MSTO1: variants seen among roughly 807,000 people sequenced by gnomAD.
The protein encoded by MSTO1 is protein misato homolog 1.
Under a neutral mutation model 55.7 loss-of-function variants are expected in MSTO1, and 24 were observed. That is an observed-to-expected ratio of 0.43 (90% CI 0.31 to 0.61). MSTO1 has a LOEUF of 0.61. MSTO1 is among the 20% of genes least tolerant of loss of function. The probability of loss-of-function intolerance (pLI) is 0.09; values close to 1 mark genes in which losing one functional copy is unlikely to be tolerated. For missense variants in MSTO1, 363 were observed against 625.7 expected, an observed-to-expected ratio of 0.58 and a Z score of 4.48; for synonymous variants, 162 against 252.8, an observed-to-expected ratio of 0.64 and a Z score of 3.41.
the MSTO1 span, among the ~76,000 whole-genome samples, chr1:155,596,400 C>T: frequency 6.6e-6 from 1 of 152,226 alleles, no homozygotes; most frequent in South Asian, 2.1e-4. Flanking sequence ...CCTACATCTA[C>T]GGTTTACTTT....
At chr1:155,614,002 A>G (rs534295008) in intron 13 of MSTO1, 57 bp from the exon 14 acceptor site, 1 of 1,608,640 alleles carries the variant, frequency 6.2e-7, no homozygotes, top group African/African-American at 1.3e-5. Context: ...AGTTTGGCAG[A>G]GTCCCAGGGC....
rs1222359912 is a variant in MSTO1, at chr1:155,614,948, A to G, written c.*675A>G. ...TATGAAGCACTATATATTGATTTGC[A>G]AAATCTTTTGTTTATTCCACACAGC... On this transcript the variant is annotated 3_prime_UTR_variant, in exon 14 of 14. Transcript: ENST00000245564. 1 of 1,056,440 alleles carries G rather than the reference A, an allele frequency of 9.5e-7. No homozygotes were observed. The highest frequency in any genetic ancestry group is 1.4e-6 in the Non-Finnish European group (1 of 695,902). The allele number at this position is 1,056,440 out of a possible 1,614,324, so 65.4% of individuals were successfully genotyped here.
the MSTO1 span, among the ~76,000 whole-genome samples, chr1:155,567,443 C>G: frequency 6.6e-6 from 1 of 151,828 alleles, no homozygotes; most frequent in African/African-American, 2.4e-5. Context: ...TCCCGAGTAG[C>G]TGGGACTACA....
At chr1:155,609,243 A>ATATTTTTTTTTT (rs59756178), upstream of MSTO1, among the ~76,000 whole-genome samples, 2 of 54,590 alleles carry the variant, frequency 3.7e-5, no homozygotes, top group Admixed American at 3.9e-4. Flanking sequence ...ATATATATAT[A>ATATTTTTTTTTT]TTTTTTTTTT....
chr1:155,613,178 C>A lies in MSTO1; in HGVS notation c.1228C>A (p.Arg410Ser). 6.2e-7 allele frequency: 1 copy of A among 1,614,144 alleles called. No individual in the cohort carries two copies. Reference protein sequence around the residue: ...LSACGEPSGTRCFAQSVVLRG... With the variant: ...LSACGEPSGTSCFAQSVVLRG... ...TGCATGTGGGGAGCCTTCTGGAACA[C>A]GTTGCTTTGCCCAGTCAGTGGTGCT... is the stretch of plus-strand genomic sequence containing the variant. Residue 410 changes from arginine (R) to serine (S), a missense_variant, in exon 11 of 14, where the codon CGT (arginine) becomes AGT (serine). Arg to Ser is a moderately radical substitution (Grantham distance 110). Transcript: ENST00000245564.
At chr1:155,575,266 A>C in the MSTO1 span, among the ~76,000 whole-genome samples, 1 of 151,728 alleles carries the variant, frequency 6.6e-6, no homozygotes, top group Non-Finnish European at 1.5e-5. Context: ...CCTGTCCAAC[A>C]CATATCATTG....
At chr1:155,601,203 G>A in the MSTO1 span, among the ~76,000 whole-genome samples, 6 of 149,022 alleles carry the variant, frequency 4.0e-5, no homozygotes, top group East Asian at 6.1e-4. Context: ...GTGTAATCTC[G>A]GCTCATTGCA....
At chr1:155,585,506 G>C in the MSTO1 span, among the ~76,000 whole-genome samples, 6 of 144,282 alleles carry the variant, frequency 4.2e-5, no homozygotes, top group East Asian at 1.2e-3. Flanking sequence ...CTGGGTGACA[G>C]AGCGAGACTC....
chr1:155,580,928 A>G, the MSTO1 span, among the ~76,000 whole-genome samples: 2 of 135,618 alleles, frequency 1.5e-5, no homozygotes, highest in Non-Finnish European at 3.3e-5. Flanking sequence ...AAAAAAAAAA[A>G]GGGAGAGAGA....
the MSTO1 span, among the ~76,000 whole-genome samples, chr1:155,586,243 A>G: frequency 5.6e-5 from 7 of 125,386 alleles, no homozygotes; most frequent in African/African-American, 9.2e-5. Flanking sequence ...GGGTTTCACC[A>G]TGTTGGCCAG....
the MSTO1 span, among the ~76,000 whole-genome samples, chr1:155,591,447 AAC>A: frequency 6.6e-6 from 1 of 152,254 alleles, no homozygotes; most frequent in Non-Finnish European, 1.5e-5. Flanking sequence ...CTTTGGAAAC[AAC>A]AGTCTACTTA....
At chr1:155,575,442 C>CT in the MSTO1 span, among the ~76,000 whole-genome samples, 4 of 150,992 alleles carry the variant, frequency 2.6e-5, no homozygotes, top group Non-Finnish European at 4.4e-5. Context: ...AATCTTTTGC[C>CT]TTTTTTTTTC....
At chr1:155,595,033 G>A in the MSTO1 span, among the ~76,000 whole-genome samples, 1 of 151,774 alleles carries the variant, frequency 6.6e-6, no homozygotes, top group Non-Finnish European at 1.5e-5. Context: ...AGCTACTTGG[G>A]AGGCTGAGGC....
chr1:155,612,603 A>G (rs1283239899), intron 9 of MSTO1, 33 bp downstream of exon 9: 3 of 1,586,100 alleles, frequency 1.9e-6, no homozygotes, highest in Admixed American at 1.8e-5. Context: ...TGACTGCGGC[A>G]GGCTACAGGG....
chr1:155,576,378 C>T, the MSTO1 span, among the ~76,000 whole-genome samples: 4 of 151,768 alleles, frequency 2.6e-5, no homozygotes, highest in African/African-American at 9.7e-5. Flanking sequence ...CCAGGCTGGA[C>T]TGCAGTGACG....
chr1:155,605,340 A>T (rs1348105776), upstream of MSTO1, among the ~76,000 whole-genome samples: 2 of 152,242 alleles, frequency 1.3e-5, no homozygotes, highest in Non-Finnish European at 2.9e-5. Context: ...TCCTGCAGAC[A>T]TGAAACAGTT....
At chr1:155,578,320 G>T in the MSTO1 span, among the ~76,000 whole-genome samples, 1 of 130,870 alleles carries the variant, frequency 7.6e-6, no homozygotes, top group South Asian at 2.6e-4. Flanking sequence ...GGGAGCAGAG[G>T]ACCATAACTA....
chr1:155,602,234 T>G, the MSTO1 span: 1 of 520,314 alleles, frequency 1.9e-6, no homozygotes, highest in Non-Finnish European at 3.7e-6. Flanking sequence ...ATCACAGCAC[T>G]TTAGGAGACC....
the MSTO1 span, among the ~76,000 whole-genome samples, chr1:155,575,019 G>T: frequency 6.6e-6 from 1 of 151,684 alleles, no homozygotes; most frequent in Non-Finnish European, 1.5e-5. Flanking sequence ...GGCATGCGCC[G>T]CCATGCCCAG....
Sources: gnomAD v4.1 joint callset for allele counts (sites outside exome capture counted in the v4.1 genomes callset) on GRCh38, gnomAD v4.1.1 for gene constraint, MANE v1.5 for transcripts, NCBI Gene and HGNC (gene_info 2026-07-23, HGNC 2026-07-21) for gene names.